The following DSCAML1 variants were observed in gnomAD, a reference collection of about 807,000 sequenced individuals.
DSCAML1 encodes cell adhesion molecule DSCAML1.
A neutral mutation model predicts 200.5 loss-of-function variants in DSCAML1; 38 were observed. The ratio of observed to expected loss-of-function variants is 0.19; its 90% CI spans 0.15 to 0.25. DSCAML1 has a LOEUF of 0.25. Among genes scored for constraint, DSCAML1 ranks in the 10% least tolerant of loss-of-function variants. The pLI is 1.00. For synonymous variants in DSCAML1, 1,215 were observed against 1,165.0 expected, an observed-to-expected ratio of 1.04 and a Z score of -0.87; for missense variants, 2,223 against 2,858.8, an observed-to-expected ratio of 0.78 and a Z score of 5.07.
rs1592649261 is a variant in DSCAML1 at position 117,483,981 on chromosome 11, A to C, written c.2360-1819T>G. Reference sequence around the variant, plus strand: ...GCCTGCTTTGGGCAATCGTGCAAAAAGGGGCTTTGTCTTCTCTGTCCTCAA... The same window carrying C: ...GCCTGCTTTGGGCAATCGTGCAAAACGGGGCTTTGTCTTCTCTGTCCTCAA... On this transcript the variant is annotated intron_variant, in intron 11 of 32. Transcript: ENST00000651296. Among the ~76,000 whole-genome samples the C allele has an allele frequency of 7.9e-5, 12 of 151,714 alleles. No homozygotes were observed. The South Asian group carries it at 2.5e-3, about 32-fold the overall frequency.
intron 3 of DSCAML1, among the ~76,000 whole-genome samples, chr11:117,539,629 A>AAAAAAAAAAAAAAAAC: frequency 6.8e-6 from 1 of 146,812 alleles, no homozygotes; most frequent in Non-Finnish European, 1.5e-5. Context: ...AAAAAAAAAA[A>AAAAAAAAAAAAAAAAC]AGGAATAAAG....
intron 3 of DSCAML1, among the ~76,000 whole-genome samples, chr11:117,737,597 C>T (rs952536668): frequency 2.6e-5 from 4 of 152,200 alleles, no homozygotes; most frequent in African/African-American, 4.8e-5. Context: ...CACACCGTAC[C>T]GCTGATGTAT....
At chr11:117,603,120 A>AC (rs2051497135) in intron 3 of DSCAML1, among the ~76,000 whole-genome samples, 1 of 152,140 alleles carries the variant, frequency 6.6e-6, no homozygotes, top group African/African-American at 2.4e-5. Context: ...AACAACAACA[A>AC]AAAAACCCAA....
chr11:117,438,197 T>TG (rs955052390), intron 24 of DSCAML1, 114 bp from the exon 25 acceptor site: 52 of 1,071,256 alleles, frequency 4.9e-5, no homozygotes, highest in Non-Finnish European at 6.3e-5. Flanking sequence ...GAGTCAGGCT[T>TG]TTGGTCATTG....
chr11:117,710,853 G>A (rs2053836383), intron 3 of DSCAML1, among the ~76,000 whole-genome samples: 1 of 152,192 alleles, frequency 6.6e-6, no homozygotes, highest in African/African-American at 2.4e-5. Context: ...TAACTGGGGA[G>A]ACAGAACATA....
rs188839162 is a variant in DSCAML1 at position 117,555,650 on chromosome 11, C to T, written c.512-23128G>A. ...GGAGCATCTGGGAAGCAGGGATGCA[C>T]GGGGCAGGGAGAGCAGGGGTTTGGC... On this transcript the variant is annotated intron_variant, in intron 3 of 32. Transcript: ENST00000651296. 1.9e-3 allele frequency among the ~76,000 whole-genome samples: 283 copies of T among 152,134 alleles called. 2 individuals are homozygous for T. The highest frequency in any genetic ancestry group is 6.5e-3 in the African/African-American group (270 of 41,510).
chr11:117,684,577 G>T (rs1407626827), intron 3 of DSCAML1, among the ~76,000 whole-genome samples: 2 of 149,578 alleles, frequency 1.3e-5, no homozygotes, highest in Non-Finnish European at 3.0e-5. Flanking sequence ...GAGAGAAGGA[G>T]ATGACGGAGT....
chr11:117,431,288 A>G (rs1444685926), intron 31 of DSCAML1, among the ~76,000 whole-genome samples: 1 of 152,200 alleles, frequency 6.6e-6, no homozygotes, highest in African/African-American at 2.4e-5. Flanking sequence ...AATGAACATC[A>G]TGTGTACCAT....
upstream of DSCAML1, among the ~76,000 whole-genome samples, chr11:117,797,955 A>G (rs2055614728): frequency 6.6e-6 from 1 of 152,230 alleles, no homozygotes; most frequent in African/African-American, 2.4e-5. Context: ...GGCATAGAAT[A>G]GGACTGGAGT....
chr11:117,777,889 T>C (rs1044770559), intron 2 of DSCAML1, among the ~76,000 whole-genome samples: 1 of 152,188 alleles, frequency 6.6e-6, no homozygotes, highest in Non-Finnish European at 1.5e-5. Flanking sequence ...CCTCGCTTGA[T>C]CCTTCCACCC....
chr11:117,432,178 A>G (rs1341575299), intron 30 of DSCAML1, among the ~76,000 whole-genome samples, 174 bp downstream of exon 30: 2 of 152,200 alleles, frequency 1.3e-5, no homozygotes, highest in African/African-American at 2.4e-5. Flanking sequence ...CCAAGGTCAC[A>G]GTTAGTAAAT....
At chr11:117,777,960 C>T (rs550243838) in intron 2 of DSCAML1, among the ~76,000 whole-genome samples, 1 of 152,306 alleles carries the variant, frequency 6.6e-6, no homozygotes, top group East Asian at 1.9e-4. Flanking sequence ...CCTTGTCCCT[C>T]AGCAGGCACC....
chr11:117,756,679 C>T (rs2054699941), intron 3 of DSCAML1, among the ~76,000 whole-genome samples: 1 of 151,996 alleles, frequency 6.6e-6, no homozygotes. Flanking sequence ...CCAAGGGCTA[C>T]TAAAAGCCAG....
chr11:117,604,550 C>T (rs979698099), intron 3 of DSCAML1, among the ~76,000 whole-genome samples: 4 of 152,200 alleles, frequency 2.6e-5, no homozygotes, highest in Non-Finnish European at 4.4e-5. Context: ...AATTCTCTCT[C>T]GGCCGGCAGA....
chr11:117,529,181 C>T (rs997166321), intron 4 of DSCAML1, among the ~76,000 whole-genome samples: 3 of 152,062 alleles, frequency 2.0e-5, no homozygotes, highest in Non-Finnish European at 2.9e-5. Context: ...CTGGTTCAAG[C>T]GATTCTTTGC....
rs913361370 is a variant in DSCAML1, at chr11:117,489,825, C to T, written c.2360-7663G>A. ...CTGCATGGCACGTGTCCTCCGGCAGCGTCCTTGCCTCCTTGTGTGTGACTG... is the reference window on the plus strand; with the variant it reads ...CTGCATGGCACGTGTCCTCCGGCAGTGTCCTTGCCTCCTTGTGTGTGACTG... On this transcript the variant is annotated intron_variant, in intron 11 of 32. Transcript: ENST00000651296. The surrounding 1 kb of genome is among the most constrained non-coding windows in gnomAD (Gnocchi z 4.8). Among the ~76,000 whole-genome samples, 3 of 152,218 alleles carry T rather than the reference C, an allele frequency of 2.0e-5. No individual in the cohort carries two copies. Among genetic ancestry groups the T allele is most frequent in the African/African-American group, 7.2e-5 (3 of 41,456 alleles).
At chr11:117,520,379 G>C (rs1013299130) in intron 6 of DSCAML1, among the ~76,000 whole-genome samples, 1 of 152,212 alleles carries the variant, frequency 6.6e-6, no homozygotes, top group East Asian at 1.9e-4. Flanking sequence ...GTGAGACACA[G>C]AGCCTGCCTT....
chr11:117,454,610 T>C (rs538903925), intron 19 of DSCAML1, among the ~76,000 whole-genome samples: 1 of 152,364 alleles, frequency 6.6e-6, no homozygotes, highest in Admixed American at 6.5e-5. Context: ...GTTGCTCTTA[T>C]CTGTCTTTTT....
At chr11:117,699,508 A>T (rs767093553) in intron 3 of DSCAML1, among the ~76,000 whole-genome samples, 1 of 152,214 alleles carries the variant, frequency 6.6e-6, no homozygotes, top group Non-Finnish European at 1.5e-5. Flanking sequence ...GGTGGCAGTC[A>T]CAGGAGAGTG....
Sources: allele counts gnomAD v4.1 joint callset (sites outside exome capture counted in the v4.1 genomes callset), GRCh38; gene constraint gnomAD v4.1.1; non-coding constraint Gnocchi (gnomAD v3.1); transcripts MANE v1.5; gene names NCBI Gene and HGNC (gene_info 2026-07-23, HGNC 2026-07-21).